Variants in PGLYRP4 observed in about 807,000 individuals in gnomAD.
PGLYRP4 encodes peptidoglycan recognition protein 4.
Under a neutral mutation model 41.2 loss-of-function variants are expected in PGLYRP4, and 39 were observed. That is an observed-to-expected ratio of 0.95 (90% CI 0.73 to 1.24). PGLYRP4 has a LOEUF of 1.24. PGLYRP4 is among the 50% of genes most tolerant of loss of function. The pLI is 0.00. For missense variants in PGLYRP4, 467 were observed against 460.7 expected (o/e 1.01, Z -0.13); for synonymous variants, 202 against 186.8 (o/e 1.08, Z -0.66).
Position 153,344,680 on chromosome 1 carries a change from T to C in PGLYRP4, c.353+489A>G, listed in dbSNP as rs73016406. Among the ~76,000 whole-genome samples the C allele has an allele frequency of 9.9e-3, 1,504 of 152,234 alleles. 37 individuals are homozygous for C. Among genetic ancestry groups the C allele is most frequent in the African/African-American group, 0.034 (1,427 of 41,558 alleles). Reference sequence around the variant, plus strand: ...GATCATTACAGGAACAGATGGACATTTGCCTCACTGAGGCTGGAGCCCATG... The same window carrying C: ...GATCATTACAGGAACAGATGGACATCTGCCTCACTGAGGCTGGAGCCCATG... On this transcript the variant is annotated intron_variant, in intron 4 of 8. Transcript: ENST00000359650.
Position 153,341,647 on chromosome 1 carries a change from T to C in PGLYRP4, c.605A>G (p.Gln202Arg). Residue 202 changes from glutamine (Q) to arginine (R), a missense_variant, in exon 6 of 9, where the codon CAG becomes CGG. Physicochemically the swap from Gln to Arg is conservative, Grantham distance 43. Transcript: ENST00000359650. ...GKGENCLAPR[Q>R]KTSLKKACPG... ...CTTACCCTTCTTCAGGCTTGTCTTC[T>C]GCCGAGGGGCCAGGCAGTTCTCGCC... is the stretch of plus-strand genomic sequence containing the variant. 2 of 1,613,040 alleles carry C rather than the reference T, an allele frequency of 1.2e-6. No homozygotes were observed. Among genetic ancestry groups the C allele is most frequent in the East Asian group, 2.2e-5 (1 of 44,878 alleles).
At chr1:153,335,618 G>A (rs774833176) in intron 8 of PGLYRP4, among the ~76,000 whole-genome samples, 115 of 150,010 alleles carry the variant, frequency 7.7e-4, no homozygotes, top group Admixed American at 1.3e-3. Context: ...CTAGCTACTC[G>A]GGAGGCTGAG....
At chr1:153,333,455 C>T (rs1479388728) in intron 8 of PGLYRP4, among the ~76,000 whole-genome samples, 1 of 151,978 alleles carries the variant, frequency 6.6e-6, no homozygotes, top group East Asian at 1.9e-4. Flanking sequence ...CAACAAAAAG[C>T]CCAGGACCAG....
At chr1:153,347,302 G>T (rs896983552) in intron 2 of PGLYRP4, among the ~76,000 whole-genome samples, 8 of 152,038 alleles carry the variant, frequency 5.3e-5, no homozygotes, top group African/African-American at 1.9e-4. Flanking sequence ...GCTTCCCAAA[G>T]TGCTGGGATT....
intron 8 of PGLYRP4, among the ~76,000 whole-genome samples, chr1:153,334,954 A>G (rs1486956777): frequency 6.6e-6 from 1 of 152,214 alleles, no homozygotes; most frequent in Non-Finnish European, 1.5e-5. Flanking sequence ...ACACCAGGGA[A>G]AGGACACCCT....
intron 2 of PGLYRP4, 149 bp downstream of exon 2, chr1:153,347,735 T>G (rs1244258510): frequency 3.1e-6 from 2 of 651,900 alleles, no homozygotes; most frequent in Middle Eastern, 2.7e-4. Context: ...CCTCTGTCAC[T>G]CAGGCTGGAG....
intron 6 of PGLYRP4, 22 bp downstream of exon 6, chr1:153,341,605 T>G: frequency 1.3e-6 from 2 of 1,599,092 alleles, no homozygotes; most frequent in South Asian, 1.1e-5. Context: ...GCAGGCCCAG[T>G]AGGGCTGAAG....
chr1:153,332,376 TA>T (rs1355969257), intron 8 of PGLYRP4, among the ~76,000 whole-genome samples: 1 of 152,084 alleles, frequency 6.6e-6, no homozygotes, highest in Non-Finnish European at 1.5e-5. Context: ...CCCACATTCA[TA>T]AAACAAATAC....
At chr1:153,337,656 G>A (rs911405585) in intron 7 of PGLYRP4, among the ~76,000 whole-genome samples, 6 of 152,074 alleles carry the variant, frequency 3.9e-5, no homozygotes, top group Admixed American at 6.6e-5. Context: ...AAGCCCATTC[G>A]GCTCCAGCAC....
chr1:153,347,767 C>T, intron 2 of PGLYRP4, 117 bp downstream of exon 2: 2 of 741,856 alleles, frequency 2.7e-6, no homozygotes, highest in Admixed American at 2.3e-5. Context: ...GATCTCGGCT[C>T]ACTGCAGCCT....
intron 1 of PGLYRP4, among the ~76,000 whole-genome samples, chr1:153,348,243 A>C (rs1341878177): frequency 6.6e-6 from 1 of 152,210 alleles, no homozygotes; most frequent in Non-Finnish European, 1.5e-5. Context: ...TTATTTAATT[A>C]GTCCTCACAC....
chr1:153,347,743 G>C, intron 2 of PGLYRP4, 141 bp downstream of exon 2: 1 of 674,476 alleles, frequency 1.5e-6, no homozygotes. Context: ...ACTCAGGCTG[G>C]AGTGCAGTGG....
chr1:153,347,331 G>T (rs1006485807), intron 2 of PGLYRP4, among the ~76,000 whole-genome samples: 4 of 151,146 alleles, frequency 2.6e-5, no homozygotes, highest in African/African-American at 9.7e-5. Flanking sequence ...GAGCAACTGC[G>T]CCCGGCCAAG....
Position 153,346,206 on chromosome 1 carries a change from C to A in PGLYRP4, c.50-15G>T. ...GGAGGAATCACCTGCAAAGGAATAT[C>A]CCATTTTGCATCAGAGAGCACCAAT... On this transcript the variant is annotated splice_polypyrimidine_tract_variant and intron_variant, in intron 2 of 8. Transcript: ENST00000359650. The A allele has an allele frequency of 6.3e-7, 1 of 1,599,448 alleles. No homozygotes were observed. Among genetic ancestry groups the A allele is most frequent in the East Asian group, 2.2e-5 (1 of 44,824 alleles).
intron 7 of PGLYRP4, among the ~76,000 whole-genome samples, chr1:153,340,134 C>T (rs552875974): frequency 2.1e-4 from 32 of 152,296 alleles, no homozygotes; most frequent in Admixed American, 1.6e-3. Context: ...TTGTAGCATC[C>T]GTCATGCCAG....
At chr1:153,347,850 C>T (rs774445040) in intron 2 of PGLYRP4, 34 bp downstream of exon 2, 17 of 1,488,800 alleles carry the variant, frequency 1.1e-5, no homozygotes, top group Middle Eastern at 1.7e-4. Context: ...TCACCCTTCT[C>T]GGTTGCTTTT....
intron 8 of PGLYRP4, among the ~76,000 whole-genome samples, chr1:153,334,979 G>A (rs1571126843): frequency 6.6e-6 from 1 of 152,152 alleles, no homozygotes; most frequent in Admixed American, 6.5e-5. Flanking sequence ...AATAAATGGT[G>A]CTGAGAAAGT....
At chr1:153,342,939 GGAA>G (rs1660857496) in intron 5 of PGLYRP4, 148 bp downstream of exon 5, 1 of 543,526 alleles carries the variant, frequency 1.8e-6, no homozygotes, top group Non-Finnish European at 3.4e-6. Flanking sequence ...TGGAAATCAA[GGAA>G]GAAGAAAATT....
At chr1:153,337,035 C>A in intron 8 of PGLYRP4, 146 bp downstream of exon 8, 1 of 738,088 alleles carries the variant, frequency 1.4e-6, no homozygotes, top group Non-Finnish European at 2.4e-6. Flanking sequence ...TCACACTCAG[C>A]TGAGTCAAAT....
Sources: allele counts gnomAD v4.1 joint callset (sites outside exome capture counted in the v4.1 genomes callset), GRCh38; gene constraint gnomAD v4.1.1; transcripts MANE v1.5; gene names NCBI Gene and HGNC (gene_info 2026-07-23, HGNC 2026-07-21).